Variants in CDC25A observed in about 807,000 individuals in gnomAD.
The protein encoded by CDC25A is M-phase inducer phosphatase 1.
In CDC25A, 17 loss-of-function variants were observed where a neutral mutation model predicts 64.6. That is an observed-to-expected ratio of 0.26 (90% CI 0.18 to 0.39). The LOEUF is 0.39. Among genes scored for constraint, CDC25A ranks in the 10% least tolerant of loss-of-function variants. CDC25A has a pLI of 1.00. For missense variants in CDC25A, 473 were observed against 654.8 expected (o/e 0.72, Z 3.03); for synonymous variants, 229 against 238.6 (o/e 0.96, Z 0.37).
intron 6 of CDC25A, among the ~76,000 whole-genome samples, chr3:48,178,246 T>G (rs1428698966): frequency 6.6e-6 from 1 of 152,214 alleles, no homozygotes; most frequent in African/African-American, 2.4e-5. Context: ...GTACTAGAGA[T>G]AGCCTCTTGT....
At position 48,171,352 on chromosome 3, in the gene CDC25A, T is replaced by C. The variant is rs528398870; in HGVS notation, c.930+2932A>G. Among the ~76,000 whole-genome samples, 110 of 149,960 alleles carry C rather than the reference T, an allele frequency of 7.3e-4. No homozygotes were observed. The South Asian group carries it at 0.023, about 31-fold the overall frequency. ...TCCTGCCACTGCACTCCAGCGTGTC[T>C]CAAAAAGAAAGAAAAAGAAAATGAA... On this transcript the variant is annotated intron_variant, in intron 9 of 14. Coordinates refer to ENST00000302506, the MANE Select transcript of CDC25A (RefSeq NM_001789.3).
rs2031626083 is a variant in CDC25A, at chr3:48,158,729, G to C, written c.*216C>G. ...TGCATTGTGGCACAGTTCTGATATG[G>C]ACGGAGGACGTCTAACAGGGACAGA... On this transcript the variant is annotated 3_prime_UTR_variant, in exon 15 of 15. Transcript: ENST00000302506. 1.8e-6 allele frequency: 1 copy of C among 563,390 alleles called. No individual in the cohort carries two copies. The highest frequency in any genetic ancestry group is 3.2e-6 in the Non-Finnish European group (1 of 315,590). 34.9% of individuals were successfully genotyped at this position (563,390 alleles called of 1,614,324 possible).
intron 12 of CDC25A, among the ~76,000 whole-genome samples, chr3:48,165,210 C>T (rs766120716): frequency 2.6e-5 from 4 of 151,340 alleles, no homozygotes; most frequent in Non-Finnish European, 5.9e-5. Context: ...GCTGAACAAT[C>T]AACTTTGGAG....
chr3:48,177,403 T>C lies in CDC25A; in HGVS notation c.724A>G (p.Thr242Ala). The C allele has an allele frequency of 6.2e-7, 1 of 1,614,066 alleles. No homozygotes were observed. Among genetic ancestry groups the C allele is most frequent in the Non-Finnish European group, 8.5e-7 (1 of 1,179,932 alleles). The change falls in exon 8 of 15, where the codon ACA becomes GCA. Residue 242 changes from threonine (T) to alanine (A), a missense_variant. Transcript: ENST00000302506. ...ETPSCMASLW[T>A]APLVMRTTNL... is the part of the protein sequence containing the mutation. ...GTAGTTCTCATGACGAGAGGAGCTG[T>C]CCAGAGGCTTGCCATGCACGAGGGG...
intron 13 of CDC25A, among the ~76,000 whole-genome samples, chr3:48,162,191 T>C (rs2031796634): frequency 6.6e-6 from 1 of 152,260 alleles, no homozygotes; most frequent in Middle Eastern, 3.4e-3. Flanking sequence ...TGCCTGTGTG[T>C]AGAGCATGTA....
chr3:48,173,663 T>C (rs1238738813), intron 9 of CDC25A, among the ~76,000 whole-genome samples: 1 of 152,148 alleles, frequency 6.6e-6, no homozygotes, highest in African/African-American at 2.4e-5. Flanking sequence ...CCAGCAATAA[T>C]GAGACAAGTC....
chr3:48,177,276 A>C, intron 8 of CDC25A, 95 bp downstream of exon 8: 1 of 940,594 alleles, frequency 1.1e-6, no homozygotes, highest in Non-Finnish European at 1.7e-6. Context: ...AAATCCTATC[A>C]TGCATTTCAA....
At chr3:48,179,210 G>A (rs564702115) in intron 6 of CDC25A, among the ~76,000 whole-genome samples, 1 of 152,206 alleles carries the variant, frequency 6.6e-6, no homozygotes, top group South Asian at 2.1e-4. Context: ...CTTTATTATG[G>A]GGCAGTACCT....
chr3:48,164,481 A>G (rs926636105), intron 12 of CDC25A, 44 bp from the exon 13 acceptor site: 2 of 1,442,302 alleles, frequency 1.4e-6, no homozygotes, highest in Non-Finnish European at 1.8e-6. Context: ...CGTTTCACAC[A>G]TGAAGTAATG....
intron 13 of CDC25A, among the ~76,000 whole-genome samples, chr3:48,160,928 T>G (rs1263376049): frequency 1.3e-5 from 2 of 150,414 alleles, no homozygotes; most frequent in Admixed American, 6.6e-5. Context: ...GCTGAGGCGG[T>G]GGATCACGAG....
intron 2 of CDC25A, 78 bp downstream of exon 2, chr3:48,186,625 C>A: frequency 2.2e-6 from 2 of 905,926 alleles, no homozygotes; most frequent in South Asian, 2.9e-5. Context: ...CAAGTTCTCA[C>A]CAAAACTAAC....
intron 5 of CDC25A, chr3:48,181,816 G>T: frequency 1.6e-6 from 1 of 619,932 alleles, no homozygotes; most frequent in Non-Finnish European, 2.9e-6. Context: ...AGCAGTAATG[G>T]CTAATATTAC....
intron 8 of CDC25A, 35 bp from the exon 9 acceptor site, chr3:48,174,492 A>G: frequency 6.3e-7 from 1 of 1,584,942 alleles, no homozygotes. Context: ...CCCATCTTTC[A>G]TTAAAACCTG....
chr3:48,180,867 T>G, intron 5 of CDC25A, 27 bp from the exon 6 acceptor site: 1 of 1,612,120 alleles, frequency 6.2e-7, no homozygotes, highest in Non-Finnish European at 8.5e-7. Context: ...AGACATCTAC[T>G]GTCCATGAAA....
At chr3:48,184,593 GT>G in intron 3 of CDC25A, 59 bp downstream of exon 3, 1 of 1,122,990 alleles carries the variant, frequency 8.9e-7, no homozygotes, top group South Asian at 1.4e-5. Flanking sequence ...TTTAAATAAG[GT>G]ATTTAAGTTT....
At position 48,188,002 on chromosome 3, in the gene CDC25A, A is replaced by C. The variant is rs1025743063; in HGVS notation, c.-55T>G. The C allele has an allele frequency of 7.6e-7, 1 of 1,311,534 alleles. No homozygotes were observed. The highest frequency in any genetic ancestry group is 9.7e-7 in the Non-Finnish European group (1 of 1,029,486). 81.2% of individuals were successfully genotyped at this position (1,311,534 alleles called of 1,614,324 possible). A position where few individuals can be genotyped will look rare whatever the true frequency, so the allele number is the denominator to read the frequency against. On this transcript the variant is annotated 5_prime_UTR_variant, in exon 1 of 15. Transcript: ENST00000302506. ...TCCCTCTTCCTCTGCCTCCGCCGCG[A>C]CCGCCCCGCCCCGCCGACACCGGCC...
intron 10 of CDC25A, among the ~76,000 whole-genome samples, chr3:48,166,887 C>G (rs574489761): frequency 6.6e-6 from 1 of 152,178 alleles, no homozygotes; most frequent in African/African-American, 2.4e-5. Flanking sequence ...TGCACTACAG[C>G]CTGAGCAACA....
rs1321695593 is a variant in CDC25A, at chr3:48,165,799, A to T, written c.1092+32T>A. On this transcript the variant is annotated intron_variant, in intron 11 of 14. Coordinates refer to ENST00000302506, the MANE Select transcript of CDC25A (RefSeq NM_001789.3). ...AGGGAAAACTAGATTCAAGTACCCG[A>T]TGTGTGGTGGGTTTCAAAAGGATGG... 3.1e-6 allele frequency: 5 copies of T among 1,588,386 alleles called. No homozygotes were observed. The African/African-American group carries it at 4.0e-5, about 13-fold the overall frequency.
Position 48,184,656 on chromosome 3 carries a change from T to C in CDC25A, c.287A>G (p.Glu96Gly). 1 of 1,592,030 alleles carries C rather than the reference T, an allele frequency of 6.3e-7. No individual in the cohort carries two copies. The highest frequency in any genetic ancestry group is 1.2e-5 in the South Asian group (1 of 85,998). ...TTTGAAAGCAGTGAATACATACTTT[T>C]CTTTACTGTCCAATGGCCCAGGAGA... ...LDSPGPLDSKENLENPMRRIH... is the reference protein window; with the variant it reads ...LDSPGPLDSKGNLENPMRRIH... The change falls in exon 3 of 15, where the codon GAA (glutamate) becomes GGA (glycine). Residue 96 changes from glutamate (E) to glycine (G), a missense_variant. By Grantham distance (98) the Glu-to-Gly change is moderately conservative. Around this residue, in one of 2 missense-constraint regions of CDC25A, gnomAD observed 376 missense variants for 431.9 expected, o/e 0.87. Transcript: ENST00000302506.
Sources: allele counts gnomAD v4.1 joint callset (sites outside exome capture counted in the v4.1 genomes callset), GRCh38; gene constraint gnomAD v4.1.1; regional missense constraint gnomAD v4.1.1; transcripts MANE v1.5; gene names NCBI Gene and HGNC (gene_info 2026-07-23, HGNC 2026-07-21).